The following PTCD1 variants were observed in gnomAD, a reference collection of about 807,000 sequenced individuals.
PTCD1 encodes pentatricopeptide repeat-containing protein 1, mitochondrial.
A neutral mutation model predicts 53.4 loss-of-function variants in PTCD1; 50 were observed. The ratio of observed to expected loss-of-function variants is 0.94; its 90% CI spans 0.75 to 1.19. PTCD1 has a LOEUF of 1.19. Ranked by LOEUF, PTCD1 falls within the 50% of genes most tolerant of loss-of-function variation. The pLI is 0.00. For synonymous variants in PTCD1, 413 were observed against 394.8 expected, an observed-to-expected ratio of 1.05 and a Z score of -0.55; for missense variants, 918 against 904.8, an observed-to-expected ratio of 1.01 and a Z score of -0.19.
At chr7:99,426,708 C>T (rs1347670321) in intron 5 of PTCD1, among the ~76,000 whole-genome samples, 1 of 150,970 alleles carries the variant, frequency 6.6e-6, no homozygotes, top group Non-Finnish European at 1.5e-5. Flanking sequence ...TCTGCCCAGC[C>T]GCCATCCCAT....
At chr7:99,427,376 C>T (rs1172598260) in intron 5 of PTCD1, among the ~76,000 whole-genome samples, 2 of 149,342 alleles carry the variant, frequency 1.3e-5, no homozygotes, top group Non-Finnish European at 1.5e-5. Flanking sequence ...CCCCGCCCGG[C>T]CAGCCGCCCC....
chr7:99,431,349 C>CA (rs1403833376), intron 3 of PTCD1, among the ~76,000 whole-genome samples: 2 of 151,986 alleles, frequency 1.3e-5, no homozygotes, highest in African/African-American at 4.8e-5. Context: ...AGGATGGTCT[C>CA]AATCTCTTGA....
At chr7:99,432,134 G>A (rs1385710958) in intron 3 of PTCD1, among the ~76,000 whole-genome samples, 1 of 152,204 alleles carries the variant, frequency 6.6e-6, no homozygotes, top group African/African-American at 2.4e-5. Context: ...ATGGCCTCGT[G>A]GGAAGGGAAA....
rs1294520588 is a variant in PTCD1, at chr7:99,425,058, G to A, written c.1474C>T (p.Leu492=). ...RQQPDIRTLT[L]LAEVVESGSP... ...CCGGACTCCACCACCTCGGCCAGTA[G>A]CGTGAGGGTCCTGATGTCGGGCTGC... The change falls in exon 6 of 8, where the codon CTA becomes TTA. Residue 492 remains leucine, a synonymous_variant. Coordinates refer to ENST00000292478, the MANE Select transcript of PTCD1 (RefSeq NM_015545.4). 6.2e-7 allele frequency: 1 copy of A among 1,614,180 alleles called. No individual in the cohort carries two copies. The highest frequency in any genetic ancestry group is 1.1e-5 in the South Asian group (1 of 91,088).
In PTCD1 at chr7:99,429,093, A is replaced by G. The variant is rs1278406346; in HGVS notation, c.915+10T>C. 1 of 1,613,900 alleles carries G rather than the reference A, an allele frequency of 6.2e-7. No individual in the cohort carries two copies. Among genetic ancestry groups the G allele is most frequent in the Non-Finnish European group, 8.5e-7 (1 of 1,179,952 alleles). On this transcript the variant is annotated intron_variant, in intron 5 of 7. Transcript: ENST00000292478. ...AAGCAGGGCAGGAAGGTGGGGTGGG[A>G]GGGACATACCTGGAGGGCGTACCGG...
intron 1 of PTCD1, among the ~76,000 whole-genome samples, chr7:99,438,354 C>T (rs1019601500): frequency 2.6e-5 from 4 of 151,698 alleles, no homozygotes; most frequent in African/African-American, 9.7e-5. Context: ...GTAGTTCCAG[C>T]TACTCGGGAG....
chr7:99,424,453 C>T (rs982024449), intron 6 of PTCD1, among the ~76,000 whole-genome samples: 2 of 152,222 alleles, frequency 1.3e-5, no homozygotes, highest in Non-Finnish European at 2.9e-5. Context: ...ACCTCGGGGG[C>T]TTTGAAAACT....
rs745338035 is a variant in PTCD1 at position 99,435,085 on chromosome 7, A to C, written c.158T>G (p.Leu53Arg). 12 of 1,609,734 alleles carry C rather than the reference A, an allele frequency of 7.5e-6. No individual in the cohort carries two copies. In the South Asian group the frequency reaches 1.3e-4, roughly 18 times the overall value. Residue 53 changes from leucine to arginine, a missense_variant, in exon 2 of 8, where the codon CTG becomes CGG. Transcript: ENST00000292478. The stretch of plus-strand genomic sequence containing the variant: ...TTCCTGACGCTCCTGGCCGAGGGGC[A>C]GCTGAGAGGAGGAGCTGCTGAAGGG... ...WAPFSSSSSQ[L>R]PLGQERQENT...
At chr7:99,432,374 A>C (rs780614305) in intron 3 of PTCD1, among the ~76,000 whole-genome samples, 1 of 152,208 alleles carries the variant, frequency 6.6e-6, no homozygotes, top group Non-Finnish European at 1.5e-5. Context: ...TGCTGGAGAC[A>C]ATACTGCTCT....
intron 7 of PTCD1, among the ~76,000 whole-genome samples, chr7:99,421,428 T>C (rs1795807238): frequency 1.6e-5 from 2 of 127,248 alleles, no homozygotes; most frequent in Admixed American, 1.6e-4. Context: ...TCCCGTCTCT[T>C]TAAAAAAAAA....
chr7:99,424,733 T>A, intron 6 of PTCD1, 62 bp downstream of exon 6: 1 of 1,596,314 alleles, frequency 6.3e-7, no homozygotes, highest in Non-Finnish European at 8.5e-7. Flanking sequence ...CAAACTTTCC[T>A]CCTGAGCTGC....
chr7:99,424,632 A>G (rs1176581571), intron 6 of PTCD1, among the ~76,000 whole-genome samples, 163 bp downstream of exon 6: 1 of 152,128 alleles, frequency 6.6e-6, no homozygotes, highest in Non-Finnish European at 1.5e-5. Context: ...GCTTCCCCCA[A>G]AATGGGACCA....
chr7:99,437,851 G>T (rs1796549141), intron 1 of PTCD1, among the ~76,000 whole-genome samples: 1 of 152,062 alleles, frequency 6.6e-6, no homozygotes, highest in African/African-American at 2.4e-5. Context: ...TTTCAGTAGG[G>T]ACGGGGTTTT....
chr7:99,421,301 G>A lies in PTCD1; in HGVS notation c.1921-1152C>T, dbSNP rs543809715. 9.2e-5 allele frequency among the ~76,000 whole-genome samples: 14 copies of A among 152,106 alleles called. No homozygotes were observed. The South Asian group carries it at 2.7e-3, about 29-fold the overall frequency. ...AGATTAGCTGGGTACAGTGGTACAT[G>A]CCTGTAGTCCCAGCTCCTCAGGTGG... On this transcript the variant is annotated intron_variant, in intron 7 of 7. Transcript: ENST00000292478.
rs767073065 is a variant in PTCD1, at chr7:99,433,302, C to T, written c.570G>A (p.Lys190=). 1.2e-5 allele frequency: 20 copies of T among 1,614,064 alleles called. No homozygotes were observed. The highest frequency in any genetic ancestry group is 1.6e-5 in the Non-Finnish European group (19 of 1,180,040). The change falls in exon 3 of 8, where the codon AAG becomes AAA. Residue 190 remains lysine (K), a synonymous_variant. Transcript: ENST00000292478. ...IGGCGRVGYL[K]KAFNLYNQMK... is the part of the protein sequence containing the mutation. Reference sequence around the variant, plus strand: ...CCTGGTTGTAGAGGTTGAAGGCCTTCTTCAGGTAGCCAACCCGCCCGCAGC... The same window carrying T: ...CCTGGTTGTAGAGGTTGAAGGCCTTTTTCAGGTAGCCAACCCGCCCGCAGC...
intron 1 of PTCD1, 28 bp from the exon 2 acceptor site, chr7:99,435,296 G>A: frequency 6.3e-7 from 1 of 1,598,972 alleles, no homozygotes; most frequent in African/African-American, 1.3e-5. Flanking sequence ...AAATAAGAGA[G>A]TCAACTCAGT....
In PTCD1 at chr7:99,438,696, A is replaced by C; in HGVS notation, c.-31T>G. The C allele has an allele frequency of 7.8e-7, 1 of 1,280,198 alleles. No individual in the cohort carries two copies. The highest frequency in any genetic ancestry group is 1.3e-5 in the South Asian group (1 of 79,150). The allele number at this position is 1,280,198 out of a possible 1,614,324, so 79.3% of individuals were successfully genotyped here. On this transcript the variant is annotated 5_prime_UTR_variant, in exon 1 of 8. Coordinates refer to ENST00000292478, the MANE Select transcript of PTCD1 (RefSeq NM_015545.4). The stretch of plus-strand genomic sequence containing the variant: ...GAGGATCACACAGGAACTCACTTGA[A>C]GTGTCCGGCGCAGTGCACTCCGACG...
At chr7:99,429,476 G>T in intron 4 of PTCD1, 112 bp downstream of exon 4, 1 of 1,508,770 alleles carries the variant, frequency 6.6e-7, no homozygotes. Context: ...AATACCGGCT[G>T]TCTCATCCTC....
chr7:99,423,705 G>C, intron 7 of PTCD1, 70 bp downstream of exon 7: 1 of 1,609,420 alleles, frequency 6.2e-7, no homozygotes, highest in Non-Finnish European at 8.5e-7. Context: ...CCAGAACCGG[G>C]GTTGGGTGGT....
Sources: gnomAD v4.1 joint callset for allele counts (sites outside exome capture counted in the v4.1 genomes callset) on GRCh38, gnomAD v4.1.1 for gene constraint, MANE v1.5 for transcripts, NCBI Gene and HGNC (gene_info 2026-07-23, HGNC 2026-07-21) for gene names.